CAMK4: variants seen among roughly 807,000 people sequenced by gnomAD.
CAMK4 encodes calcium/calmodulin dependent protein kinase IV.
CAMK4 carries 22 observed loss-of-function variants against 44.9 expected under a neutral mutation model. The ratio of observed to expected loss-of-function variants is 0.49; its 90% CI spans 0.35 to 0.70. The LOEUF (loss-of-function observed/expected upper bound fraction) is 0.70, where lower values mean the gene tolerates loss of function less well. CAMK4 is among the 30% of genes least tolerant of loss of function. The pLI is 0.01. For synonymous variants in CAMK4, 218 were observed against 215.4 expected, an observed-to-expected ratio of 1.01 and a Z score of -0.11; for missense variants, 498 against 586.8, an observed-to-expected ratio of 0.85 and a Z score of 1.56.
chr5:111,392,432 C>T (rs575891355), intron 4 of CAMK4, among the ~76,000 whole-genome samples: 254 of 152,202 alleles, frequency 1.7e-3, no homozygotes, highest in African/African-American at 6.0e-3. Context: ...GCCCCTCCTC[C>T]AATTTGACAT....
chr5:111,236,563 A>G (rs1034209284), intron 1 of CAMK4, among the ~76,000 whole-genome samples: 36 of 152,280 alleles, frequency 2.4e-4, no homozygotes, highest in Non-Finnish European at 4.0e-4. Flanking sequence ...CTTTTGCTCT[A>G]CCTGCCTTGG....
chr5:111,354,445 C>CAAAAA (rs58501236), intron 2 of CAMK4, among the ~76,000 whole-genome samples: 7 of 125,160 alleles, frequency 5.6e-5, no homozygotes, highest in Admixed American at 7.9e-5. Flanking sequence ...ATTCTCACCA[C>CAAAAA]AAAAAAAAAA....
chr5:111,448,866 G>A (rs565876548), intron 6 of CAMK4, among the ~76,000 whole-genome samples: 130 of 152,250 alleles, frequency 8.5e-4, no homozygotes, highest in African/African-American at 3.1e-3. Context: ...TGAAAGCGGG[G>A]AATTGTACAG....
At chr5:111,433,848 C>T (rs1484500973) in intron 5 of CAMK4, among the ~76,000 whole-genome samples, 2 of 152,042 alleles carry the variant, frequency 1.3e-5, no homozygotes, top group African/African-American at 4.8e-5. Flanking sequence ...TTTTGAAGGG[C>T]CTTTAATTCT....
At chr5:111,224,224 A>C, upstream of CAMK4, 1 of 332,420 alleles carries the variant, frequency 3.0e-6, no homozygotes, top group Non-Finnish European at 5.3e-6. This position sits in a 1 kb window ranked among gnomAD's most constrained non-coding sequence, Gnocchi z 5.7. Context: ...AGGGGGAGGG[A>C]GCCTCTCTCC....
At chr5:111,430,578 C>T (rs144817562) in intron 5 of CAMK4, among the ~76,000 whole-genome samples, 1 of 152,170 alleles carries the variant, frequency 6.6e-6, no homozygotes, top group African/African-American at 2.4e-5. Flanking sequence ...ACAAGAAAAC[C>T]ATTCGAACTG....
At chr5:111,458,286 T>A (rs921698696) in intron 7 of CAMK4, among the ~76,000 whole-genome samples, 1 of 152,188 alleles carries the variant, frequency 6.6e-6, no homozygotes. Flanking sequence ...TTGTTCTTGA[T>A]CATGGAGAGG....
At chr5:111,268,161 C>T (rs1172739984) in intron 1 of CAMK4, among the ~76,000 whole-genome samples, 2 of 152,144 alleles carry the variant, frequency 1.3e-5, no homozygotes, top group South Asian at 2.1e-4. Flanking sequence ...CACATTAGAT[C>T]CATTGGGGAT....
chr5:111,393,508 T>C (rs1751885241), intron 4 of CAMK4, among the ~76,000 whole-genome samples: 1 of 152,088 alleles, frequency 6.6e-6, no homozygotes, highest in Non-Finnish European at 1.5e-5. Flanking sequence ...TCAGATTAAA[T>C]ACAGAAAATG....
At chr5:111,406,015 T>C (rs1355963251) in intron 5 of CAMK4, among the ~76,000 whole-genome samples, 2 of 152,058 alleles carry the variant, frequency 1.3e-5, no homozygotes, top group Non-Finnish European at 2.9e-5. Flanking sequence ...AGAGGATCAA[T>C]GAGAACTTTT....
At chr5:111,244,637 C>T (rs577135051) in intron 1 of CAMK4, among the ~76,000 whole-genome samples, 13 of 152,180 alleles carry the variant, frequency 8.5e-5, no homozygotes, top group African/African-American at 2.6e-4. Context: ...CTGAGGCAGG[C>T]GGATGTCGAG....
At chr5:111,480,905 C>T (rs1488585824) in intron 9 of CAMK4, among the ~76,000 whole-genome samples, 2 of 152,126 alleles carry the variant, frequency 1.3e-5, no homozygotes, top group African/African-American at 4.8e-5. Context: ...TAGTTTATCA[C>T]TGCTTAAAAC....
At chr5:111,348,431 AT>A (rs765209449) in intron 2 of CAMK4, among the ~76,000 whole-genome samples, 2 of 152,026 alleles carry the variant, frequency 1.3e-5, no homozygotes, top group Non-Finnish European at 2.9e-5. Flanking sequence ...AGATAACTGG[AT>A]ACTATGGATA....
intron 5 of CAMK4, among the ~76,000 whole-genome samples, chr5:111,418,548 C>T (rs1752898180): frequency 6.6e-6 from 1 of 151,892 alleles, no homozygotes; most frequent in African/African-American, 2.4e-5. Context: ...CCCATTAACT[C>T]GTCATTTAGC....
intron 1 of CAMK4, among the ~76,000 whole-genome samples, chr5:111,333,912 A>T (rs1270470445): frequency 6.6e-6 from 1 of 151,562 alleles, no homozygotes; most frequent in Non-Finnish European, 1.5e-5. Context: ...TGAGGCTGAA[A>T]CAACAAATGA....
rs1466835057 is a variant in CAMK4 at position 111,394,759 on chromosome 5, A to C, written c.436A>C (p.Lys146Gln). 5 of 1,612,190 alleles carry C rather than the reference A, an allele frequency of 3.1e-6. No homozygotes were observed. In the African/African-American group the frequency reaches 4.0e-5, roughly 13 times the overall value. Residue 146 changes from lysine (K) to glutamine (Q), a missense_variant, in exon 5 of 11, where the codon AAA becomes CAA. Transcript: ENST00000282356. ...YSERDAADAVKQILEAVAYLH... is the reference protein window; with the variant it reads ...YSERDAADAVQQILEAVAYLH... ...TGAGCGAGATGCTGCAGATGCCGTT[A>C]AACAAATCCTGGAGGCAGTTGCTGT...
intron 1 of CAMK4, among the ~76,000 whole-genome samples, chr5:111,333,112 T>C (rs1368432401): frequency 1.3e-5 from 2 of 151,626 alleles, no homozygotes; most frequent in Admixed American, 1.3e-4. Context: ...ATATTGCTTA[T>C]TAATATTAAG....
At chr5:111,440,955 A>G (rs180671992) in intron 5 of CAMK4, among the ~76,000 whole-genome samples, 1 of 152,318 alleles carries the variant, frequency 6.6e-6, no homozygotes, top group Non-Finnish European at 1.5e-5. Context: ...CTCATAACAT[A>G]CTAAGTAATT....
intron 7 of CAMK4, among the ~76,000 whole-genome samples, chr5:111,468,848 C>T (rs1277772992): frequency 2.0e-5 from 3 of 151,764 alleles, no homozygotes; most frequent in Non-Finnish European, 4.4e-5. Flanking sequence ...TGTGGTGGCA[C>T]CTGCCTGTAA....
Sources: gnomAD v4.1 joint callset for allele counts (sites outside exome capture counted in the v4.1 genomes callset) on GRCh38, gnomAD v4.1.1 for gene constraint, Gnocchi (gnomAD v3.1) non-coding constraint, MANE v1.5 for transcripts, NCBI Gene and HGNC (gene_info 2026-07-23, HGNC 2026-07-21) for gene names.